Variants in WWC1 observed in about 807,000 individuals in gnomAD.
WWC1 encodes protein KIBRA.
In WWC1, 55 loss-of-function variants were observed where a neutral mutation model predicts 138.4. The observed-to-expected ratio is 0.40, with a 90% CI of 0.32 to 0.50. WWC1 has a LOEUF of 0.50. Ranked by LOEUF, WWC1 falls within the 20% of genes least tolerant of loss-of-function variation. The probability of loss-of-function intolerance (pLI) is 0.72; values close to 1 mark genes in which losing one functional copy is unlikely to be tolerated. For synonymous variants in WWC1, 524 were observed against 564.9 expected, an observed-to-expected ratio of 0.93 and a Z score of 1.03; for missense variants, 1,226 against 1,420.4, an observed-to-expected ratio of 0.86 and a Z score of 2.20.
intron 1 of WWC1, among the ~76,000 whole-genome samples, chr5:168,355,232 G>A (rs867435273): frequency 1.6e-4 from 24 of 152,020 alleles, no homozygotes; most frequent in African/African-American, 5.1e-4. Context: ...GGTGGCTCAC[G>A]CCTGTAATCC....
At chr5:168,468,302 T>A (rs1406462548) in intron 22 of WWC1, among the ~76,000 whole-genome samples, 1 of 152,180 alleles carries the variant, frequency 6.6e-6, no homozygotes, top group Non-Finnish European at 1.5e-5. Context: ...GGGTGATGGA[T>A]GCTCGCTGGG....
chr5:168,432,487 A>G (rs1782028228), intron 15 of WWC1, among the ~76,000 whole-genome samples: 1 of 152,194 alleles, frequency 6.6e-6, no homozygotes, highest in Non-Finnish European at 1.5e-5. Flanking sequence ...ATAATAGCTA[A>G]CTCGGGCTTG....
chr5:168,305,052 C>A (rs2152743850), intron 1 of WWC1, among the ~76,000 whole-genome samples: 1 of 151,954 alleles, frequency 6.6e-6, no homozygotes, highest in African/African-American at 2.4e-5. Context: ...CTCGAACTCC[C>A]AACCTCAGGT....
chr5:168,323,757 A>ATATC (rs532247498), intron 1 of WWC1, among the ~76,000 whole-genome samples: 48 of 152,302 alleles, frequency 3.2e-4, no homozygotes, highest in African/African-American at 1.2e-3. Context: ...GATGAAAATG[A>ATATC]TATCACCCAC....
intron 18 of WWC1, among the ~76,000 whole-genome samples, 153 bp downstream of exon 18, chr5:168,454,253 G>C (rs1429712033): frequency 6.6e-6 from 1 of 152,174 alleles, no homozygotes; most frequent in Non-Finnish European, 1.5e-5. Flanking sequence ...TCATTCTGGT[G>C]ATAGTAAACC....
intron 19 of WWC1, among the ~76,000 whole-genome samples, chr5:168,460,220 C>T (rs1157446883): frequency 1.3e-5 from 2 of 152,160 alleles, no homozygotes; most frequent in Non-Finnish European, 2.9e-5. Flanking sequence ...ATGCAAATGG[C>T]CCTTTGTGTA....
At position 168,385,245 on chromosome 5, in the gene WWC1, G is replaced by A; in HGVS notation, c.264G>A (p.Trp88Ter). 3 of 1,614,138 alleles carry A rather than the reference G, an allele frequency of 1.9e-6. No homozygotes were observed. Among genetic ancestry groups the A allele is most frequent in the Non-Finnish European group, 2.5e-6 (3 of 1,180,024 alleles). The change falls in exon 3 of 23, where the codon TGG (tryptophan) becomes TGA (stop). Residue 88 changes from tryptophan (W) to a stop codon, truncating the protein, a stop_gained. Transcript: ENST00000265293. LOFTEE classifies it high-confidence loss of function. Reference protein sequence around the residue: ...TTQIEDPRVQWRREQEHMLKD... With the variant: ...TTQIEDPRVQ ...AGATTGAGGATCCTCGAGTACAATG[G>A]CGGCGGGAGCAGGAACATATGCTGA... is the stretch of plus-strand genomic sequence containing the variant.
chr5:168,456,488 G>A (rs1483036240), intron 19 of WWC1, among the ~76,000 whole-genome samples: 1 of 151,930 alleles, frequency 6.6e-6, no homozygotes, highest in Non-Finnish European at 1.5e-5. Flanking sequence ...CAAAAAATTA[G>A]TGCATGGTGG....
chr5:168,344,378 C>T (rs1445078230), intron 1 of WWC1, among the ~76,000 whole-genome samples: 3 of 152,186 alleles, frequency 2.0e-5, no homozygotes, highest in Admixed American at 2.0e-4. Flanking sequence ...AAGCTTCCAA[C>T]AGCGAGTTAT....
intron 22 of WWC1, among the ~76,000 whole-genome samples, chr5:168,468,422 C>G (rs972891573): frequency 2.0e-5 from 3 of 151,932 alleles, no homozygotes; most frequent in South Asian, 2.1e-4. Flanking sequence ...GCCTGGGCCT[C>G]CCATCCACAG....
At chr5:168,382,687 C>T (rs1777739847) in intron 2 of WWC1, among the ~76,000 whole-genome samples, 1 of 152,110 alleles carries the variant, frequency 6.6e-6, no homozygotes, top group African/African-American at 2.4e-5. Context: ...ATTCCATCTC[C>T]GCCTTGTTTT....
chr5:168,364,287 C>G (rs930081922), intron 1 of WWC1, among the ~76,000 whole-genome samples: 1 of 152,166 alleles, frequency 6.6e-6, no homozygotes, highest in Non-Finnish European at 1.5e-5. Flanking sequence ...AACCATGGAG[C>G]TGACCACAGC....
At chr5:168,317,647 A>G (rs938271809) in intron 1 of WWC1, among the ~76,000 whole-genome samples, 1 of 152,194 alleles carries the variant, frequency 6.6e-6, no homozygotes, top group African/African-American at 2.4e-5. Context: ...AAATGTGAAC[A>G]CAGAGGCCTT....
chr5:168,393,576 T>G (rs1025069233), intron 3 of WWC1, among the ~76,000 whole-genome samples: 1 of 152,154 alleles, frequency 6.6e-6, no homozygotes, highest in African/African-American at 2.4e-5. Context: ...GTGTGAGATT[T>G]TAGAAAGCTC....
rs1769087070 is a variant in WWC1 at position 168,292,013 on chromosome 5, T to A, written c.-140T>A. 1 of 1,021,512 alleles carries A rather than the reference T, an allele frequency of 9.8e-7. No individual in the cohort carries two copies. The highest frequency in any genetic ancestry group is 1.3e-6 in the Non-Finnish European group (1 of 764,738). 63.3% of individuals were successfully genotyped at this position (1,021,512 alleles called of 1,614,324 possible). On this transcript the variant is annotated 5_prime_UTR_variant, in exon 1 of 23. The change abolishes the stop of an existing upstream ORF in the 5' untranslated region. Transcript: ENST00000265293. This position sits in a 1 kb window ranked among gnomAD's most constrained non-coding sequence, Gnocchi z 4.4. ...CGGCGCCACCCCGGCCGGCCCCTAC[T>A]AGGGCCCCCCATCTGCGGGCGCCAC...
intron 21 of WWC1, 51 bp downstream of exon 21, chr5:168,465,013 C>T (rs759875247): frequency 6.9e-6 from 11 of 1,591,712 alleles, no homozygotes; most frequent in Middle Eastern, 2.2e-4. Context: ...CCCAGAGAGT[C>T]GGGGGGCACT....
chr5:168,386,583 G>A (rs370425259), intron 3 of WWC1, among the ~76,000 whole-genome samples: 16 of 151,824 alleles, frequency 1.1e-4, no homozygotes, highest in East Asian at 7.8e-4. Context: ...TTTTAGTAGA[G>A]ACGGGGTTTC....
chr5:168,316,181 G>T (rs549275319), intron 1 of WWC1, among the ~76,000 whole-genome samples: 1 of 152,086 alleles, frequency 6.6e-6, no homozygotes, highest in Admixed American at 6.6e-5. Context: ...TGTGAGGCTC[G>T]CAATTGCTAT....
At chr5:168,295,135 C>T (rs937828818) in intron 1 of WWC1, among the ~76,000 whole-genome samples, 1 of 152,126 alleles carries the variant, frequency 6.6e-6, no homozygotes, top group African/African-American at 2.4e-5. Flanking sequence ...CGGCATACCC[C>T]ATTTTTGCCT....
Sources: gnomAD v4.1 joint callset for allele counts (sites outside exome capture counted in the v4.1 genomes callset) on GRCh38, gnomAD v4.1.1 for gene constraint, Gnocchi (gnomAD v3.1) non-coding constraint, MANE v1.5 for transcripts, NCBI Gene and HGNC (gene_info 2026-07-23, HGNC 2026-07-21) for gene names.